Variants in TLL2 observed in about 807,000 individuals in gnomAD.
TLL2 encodes the protein tolloid like 2.
A neutral mutation model predicts 123.0 loss-of-function variants in TLL2; 106 were observed. The observed-to-expected ratio is 0.86, with a 90% CI of 0.74 to 1.01. TLL2 has a LOEUF of 1.01. Among genes scored for constraint, TLL2 ranks in the 50% least tolerant of loss-of-function variants. The probability of loss-of-function intolerance (pLI) is 0.00; values close to 1 mark genes in which losing one functional copy is unlikely to be tolerated. For synonymous variants in TLL2, 494 were observed against 516.8 expected, an observed-to-expected ratio of 0.96 and a Z score of 0.60; for missense variants, 1,332 against 1,336.7, an observed-to-expected ratio of 1.00 and a Z score of 0.06.
At chr10:96,462,633 T>C (rs994052444) in intron 2 of TLL2, among the ~76,000 whole-genome samples, 2 of 152,224 alleles carry the variant, frequency 1.3e-5, no homozygotes, top group African/African-American at 2.4e-5. Flanking sequence ...GATAGATACA[T>C]AACCTTGTTT....
chr10:96,384,885 C>A, intron 15 of TLL2, 118 bp from the exon 16 acceptor site: 5 of 1,013,884 alleles, frequency 4.9e-6, no homozygotes, highest in Non-Finnish European at 6.8e-6. Flanking sequence ...GGGGGAGGGT[C>A]CCTTGACTCT....
At chr10:96,385,404 G>A (rs1295997906) in intron 15 of TLL2, among the ~76,000 whole-genome samples, 2 of 152,120 alleles carry the variant, frequency 1.3e-5, no homozygotes, top group Non-Finnish European at 2.9e-5. Context: ...ACCCTCATGG[G>A]CGCCATGGCC....
At position 96,408,563 on chromosome 10, in the gene TLL2, C is replaced by G. The variant is rs1361109632; in HGVS notation, c.1164+1796G>C. ...AATTACCAGACCTCTTCCTCTTCCC[C>G]CTTTCTGCCTCCCTCCTGTTAGCCT... On this transcript the variant is annotated intron_variant, in intron 9 of 20. Transcript: ENST00000357947. Among the ~76,000 whole-genome samples the G allele has an allele frequency of 7.2e-5, 11 of 152,306 alleles. No homozygotes were observed. In the East Asian group the frequency reaches 1.9e-3, roughly 27 times the overall value.
intron 10 of TLL2, among the ~76,000 whole-genome samples, chr10:96,398,537 C>T (rs1046584657): frequency 2.0e-5 from 3 of 152,160 alleles, no homozygotes; most frequent in African/African-American, 7.2e-5. Context: ...AAAATTAATA[C>T]ATTTGTATTT....
At chr10:96,385,929 G>A (rs1159220110) in intron 15 of TLL2, 126 bp downstream of exon 15, 1 of 1,017,168 alleles carries the variant, frequency 9.8e-7, no homozygotes, top group Non-Finnish European at 1.3e-6. Flanking sequence ...GCTAGCGCAG[G>A]TCCTAAGACT....
intron 3 of TLL2, among the ~76,000 whole-genome samples, chr10:96,436,990 A>G (rs879292635): frequency 6.6e-6 from 1 of 152,064 alleles, no homozygotes; most frequent in Non-Finnish European, 1.5e-5. Flanking sequence ...CTGGCCTGCT[A>G]TACATTTTTT....
intron 1 of TLL2, among the ~76,000 whole-genome samples, chr10:96,481,716 C>T (rs748109): frequency 2.0e-5 from 3 of 151,926 alleles, no homozygotes; most frequent in East Asian, 3.9e-4. Context: ...TGATAGCATG[C>T]CTTGGTTGTT....
chr10:96,390,850 C>T (rs897674973), intron 13 of TLL2, among the ~76,000 whole-genome samples: 2 of 152,108 alleles, frequency 1.3e-5, no homozygotes, highest in African/African-American at 2.4e-5. Context: ...GTCCAAGTGG[C>T]GATGTGCCAT....
At chr10:96,498,234 G>A (rs903671808) in intron 1 of TLL2, among the ~76,000 whole-genome samples, 2 of 152,192 alleles carry the variant, frequency 1.3e-5, no homozygotes. Flanking sequence ...CACGCTAGGC[G>A]GAGAGGGAAG....
chr10:96,400,357 C>CAAAAAAAAAAAAAAA (rs55975748), intron 10 of TLL2, among the ~76,000 whole-genome samples: 2 of 109,894 alleles, frequency 1.8e-5, no homozygotes, highest in Admixed American at 9.6e-5. Flanking sequence ...CTACTACCAT[C>CAAAAAAAAAAAAAAA]AAAAAAAAAA....
At chr10:96,496,263 G>A (rs893568207) in intron 1 of TLL2, among the ~76,000 whole-genome samples, 3 of 152,306 alleles carry the variant, frequency 2.0e-5, no homozygotes, top group Non-Finnish European at 2.9e-5. Flanking sequence ...GTGTTACAGA[G>A]GGTCAACAGA....
intron 6 of TLL2, 111 bp from the exon 7 acceptor site, chr10:96,421,172 A>G: frequency 1.4e-6 from 1 of 740,290 alleles, no homozygotes; most frequent in Non-Finnish European, 2.3e-6. Flanking sequence ...CTCTTGGCCC[A>G]ATCAGTCAAA....
At chr10:96,506,843 G>A (rs1182127412) in intron 1 of TLL2, among the ~76,000 whole-genome samples, 2 of 152,182 alleles carry the variant, frequency 1.3e-5, no homozygotes, top group African/African-American at 4.8e-5. Flanking sequence ...AAGTTCCACT[G>A]ATGTAAGACT....
At chr10:96,500,564 C>T (rs998637044) in intron 1 of TLL2, among the ~76,000 whole-genome samples, 18 of 152,126 alleles carry the variant, frequency 1.2e-4, no homozygotes, top group Admixed American at 5.9e-4. Context: ...GAGGCCAAGG[C>T]GGGTGGATCA....
At chr10:96,417,897 C>A (rs761655163) in intron 7 of TLL2, among the ~76,000 whole-genome samples, 3 of 152,170 alleles carry the variant, frequency 2.0e-5, no homozygotes, top group Non-Finnish European at 4.4e-5. Flanking sequence ...ACAGTATCAT[C>A]AAAAATAATA....
chr10:96,373,954 T>C (rs1846110691), intron 18 of TLL2, 145 bp from the exon 19 acceptor site: 1 of 670,032 alleles, frequency 1.5e-6, no homozygotes, highest in Non-Finnish European at 2.5e-6. Flanking sequence ...GCCGTGATGA[T>C]GCTTGAGGAC....
At chr10:96,511,317 G>A (rs1231992313) in intron 1 of TLL2, among the ~76,000 whole-genome samples, 1 of 152,250 alleles carries the variant, frequency 6.6e-6, no homozygotes, top group Non-Finnish European at 1.5e-5. Context: ...CCAGACAGCT[G>A]TTCTCCAGGT....
chr10:96,513,632 C>G lies in TLL2; in HGVS notation c.54G>C (p.Pro18=). The part of the protein sequence containing the change: ...GALVSLLLLL[P]LPRGAGGLGE... The stretch of plus-strand genomic sequence containing the variant: ...CGAGTCCCCCGGCGCCGCGAGGCAG[C>G]GGCAGCAGCAGCAGCAGTGACACCA... The change falls in exon 1 of 21, where the codon CCG becomes CCC. Residue 18 remains proline (P), a synonymous_variant. Transcript: ENST00000357947. The G allele has an allele frequency of 3.1e-6, 5 of 1,597,458 alleles. No homozygotes were observed. The South Asian group carries it at 5.5e-5, about 18-fold the overall frequency.
intron 1 of TLL2, among the ~76,000 whole-genome samples, chr10:96,491,391 AAAAAAAAG>A (rs1365025774): frequency 6.6e-6 from 1 of 151,526 alleles, no homozygotes; most frequent in Non-Finnish European, 1.5e-5. Flanking sequence ...TCAAAAAAAA[AAAAAAAAG>A]AAAAGAAAAG....
Sources: allele counts gnomAD v4.1 joint callset (sites outside exome capture counted in the v4.1 genomes callset), GRCh38; gene constraint gnomAD v4.1.1; transcripts MANE v1.5; gene names NCBI Gene and HGNC (gene_info 2026-07-23, HGNC 2026-07-21).